PANK2: variants seen among roughly 807,000 people sequenced by gnomAD.
PANK2 encodes pantothenate kinase 2, mitochondrial.
Under a neutral mutation model 43.1 loss-of-function variants are expected in PANK2, and 36 were observed. That is an observed-to-expected ratio of 0.84 (90% CI 0.64 to 1.10). PANK2 has a LOEUF of 1.10. PANK2 is among the 50% of genes least tolerant of loss of function. The probability of loss-of-function intolerance (pLI) is 0.00; values close to 1 mark genes in which losing one functional copy is unlikely to be tolerated. For synonymous variants in PANK2, 281 were observed against 238.2 expected, an observed-to-expected ratio of 1.18 and a Z score of -1.66; for missense variants, 576 against 593.3, an observed-to-expected ratio of 0.97 and a Z score of 0.30.
intron 1 of PANK2, among the ~76,000 whole-genome samples, chr20:3,905,586 A>T (rs2090372707): frequency 1.3e-5 from 2 of 151,136 alleles, no homozygotes. Context: ...TGACCTCATG[A>T]TCCTCCCGCC....
chr20:3,890,233 C>A (rs1468848420), intron 1 of PANK2, among the ~76,000 whole-genome samples: 1 of 152,190 alleles, frequency 6.6e-6, no homozygotes, highest in African/African-American at 2.4e-5. Flanking sequence ...GTATTCCGTG[C>A]ACCTCTAAGG....
intron 5 of PANK2, 140 bp from the exon 6 acceptor site, chr20:3,918,531 G>T: frequency 8.9e-7 from 1 of 1,122,860 alleles, no homozygotes; most frequent in Non-Finnish European, 1.3e-6. Context: ...AGTTTAAGTA[G>T]CCCTGGACCA....
chr20:3,917,120 G>A lies in PANK2; in HGVS notation c.1206+70G>A. ...AACTTAAGTGGGCCCCATCACGTCT[G>A]TTTTCTCAGAACAGTGCCTAAATGT... On this transcript the variant is annotated intron_variant, in intron 5 of 6. Transcript: ENST00000610179. 1.9e-6 allele frequency: 3 copies of A among 1,590,254 alleles called. No individual in the cohort carries two copies. The South Asian group carries it at 3.3e-5, about 18-fold the overall frequency.
chr20:3,922,677 C>T (rs895982240), intron 6 of PANK2, among the ~76,000 whole-genome samples: 1 of 152,038 alleles, frequency 6.6e-6, no homozygotes. Context: ...ACACCTCTTA[C>T]TCCTGTGTCC....
chr20:3,897,953 G>A (rs962944080), intron 1 of PANK2, among the ~76,000 whole-genome samples: 4 of 152,112 alleles, frequency 2.6e-5, no homozygotes, highest in Non-Finnish European at 5.9e-5. Context: ...GTTGCAGTGA[G>A]CTGAGGTCTG....
intron 1 of PANK2, among the ~76,000 whole-genome samples, chr20:3,903,435 A>G (rs1335283071): frequency 1.4e-5 from 2 of 147,960 alleles, no homozygotes; most frequent in East Asian, 2.0e-4. Context: ...GGCATGAGCC[A>G]CGACGCCCGG....
chr20:3,916,815 T>G, intron 4 of PANK2, 112 bp from the exon 5 acceptor site: 1 of 1,471,884 alleles, frequency 6.8e-7, no homozygotes, highest in African/African-American at 1.4e-5. Context: ...GGTTTGAAGA[T>G]TTCAACAATG....
chr20:3,916,821 CAAT>C (rs2090567321), intron 4 of PANK2, 103 bp from the exon 5 acceptor site: 1 of 1,496,224 alleles, frequency 6.7e-7, no homozygotes, highest in South Asian at 1.2e-5. Context: ...AAGATTTCAA[CAAT>C]GTTGCCCTAA....
chr20:3,912,930 CAAAAA>C (rs71331078), intron 4 of PANK2, among the ~76,000 whole-genome samples: 5 of 71,492 alleles, frequency 7.0e-5, no homozygotes, highest in Non-Finnish European at 1.2e-4. Context: ...GACTCTGTCT[CAAAAA>C]AAAAAAAAAA....
At chr20:3,918,912 T>C in intron 6 of PANK2, 116 bp downstream of exon 6, 1 of 1,556,970 alleles carries the variant, frequency 6.4e-7, no homozygotes, top group Non-Finnish European at 8.9e-7. Flanking sequence ...TTCTTTTGTT[T>C]TTTGTTTTTT....
chr20:3,919,773 A>G (rs533390948), intron 6 of PANK2, among the ~76,000 whole-genome samples: 1 of 152,278 alleles, frequency 6.6e-6, no homozygotes, highest in South Asian at 2.1e-4. Context: ...TATTATGAAC[A>G]TTTTTCAGAA....
chr20:3,897,480 C>T (rs545994580), intron 1 of PANK2, among the ~76,000 whole-genome samples: 1 of 151,836 alleles, frequency 6.6e-6, no homozygotes, highest in African/African-American at 2.4e-5. Context: ...GCGGGTGGAT[C>T]GCTTGAGCTT....
chr20:3,889,639 A>T lies in PANK2; in HGVS notation c.209A>T (p.Glu70Val). ...GTGCCCGCGGTCGGGGCCTCGGCTGAGGGCACGAGGCGGGATCGACTGGGC... is the reference window on the plus strand; with the variant it reads ...GTGCCCGCGGTCGGGGCCTCGGCTGTGGGCACGAGGCGGGATCGACTGGGC... Residue 70 changes from glutamate to valine, a missense_variant, in exon 1 of 7, where the codon GAG becomes GTG. Glu to Val is a moderately radical substitution (Grantham distance 121). Around this residue, in one of 2 missense-constraint regions of PANK2, gnomAD observed 544 missense variants for 528.9 expected, o/e 1.03. Transcript: ENST00000610179. The T allele has an allele frequency of 1.9e-6, 3 of 1,576,256 alleles. No homozygotes were observed. Among genetic ancestry groups the T allele is most frequent in the South Asian group, 1.1e-5 (1 of 88,372 alleles).
chr20:3,903,775 G>A (rs1356455492), intron 1 of PANK2, among the ~76,000 whole-genome samples: 1 of 151,766 alleles, frequency 6.6e-6, no homozygotes, highest in Non-Finnish European at 1.5e-5. Flanking sequence ...TTAGAGGCAT[G>A]TGCCACCACG....
intron 1 of PANK2, among the ~76,000 whole-genome samples, chr20:3,891,967 T>G (rs1452883575): frequency 6.6e-6 from 1 of 152,246 alleles, no homozygotes; most frequent in Non-Finnish European, 1.5e-5. Context: ...TAAGACCTGC[T>G]AAAGGAATGA....
chr20:3,889,817 C>T (rs1409952617), intron 1 of PANK2, 89 bp downstream of exon 1: 7 of 1,539,646 alleles, frequency 4.5e-6, no homozygotes, highest in Non-Finnish European at 6.1e-6. Flanking sequence ...CCGTTTTTCC[C>T]GCGCGCGGAC....
chr20:3,908,122 G>C lies in PANK2; in HGVS notation c.495G>C (p.Leu165=). 1.2e-6 allele frequency: 2 copies of C among 1,614,144 alleles called. No homozygotes were observed. The highest frequency in any genetic ancestry group is 1.7e-6 in the Non-Finnish European group (2 of 1,179,986). ...ACCTCGAGCTGAAGGACCTGACTCTGTGTGGACGCAAAGGCAATCTGCACT... is the reference window on the plus strand; with the variant it reads ...ACCTCGAGCTGAAGGACCTGACTCTCTGTGGACGCAAAGGCAATCTGCACT... The change falls in exon 2 of 7, where the codon CTG becomes CTC. Residue 165 remains leucine (L), a synonymous_variant. Transcript: ENST00000610179.
Position 3,927,134 on chromosome 20 carries a change from C to G in PANK2, c.*3840C>G, listed in dbSNP as rs1213709814. ...GCCTGACACACTCTTCACCACTGAC[C>G]CCACCCCCGCTTGCACACTATGCCA... On this transcript the variant is annotated 3_prime_UTR_variant, in exon 7 of 7. Transcript: ENST00000610179. 1.3e-5 allele frequency among the ~76,000 whole-genome samples: 2 copies of G among 151,930 alleles called. No homozygotes were observed. Among genetic ancestry groups the G allele is most frequent in the Admixed American group, 6.6e-5 (1 of 15,256 alleles).
At chr20:3,901,949 A>T (rs142383749) in intron 1 of PANK2, among the ~76,000 whole-genome samples, 4 of 151,974 alleles carry the variant, frequency 2.6e-5, no homozygotes, top group African/African-American at 9.6e-5. Flanking sequence ...CTTTTATGTG[A>T]TTTATGTATC....
Sources: allele counts gnomAD v4.1 joint callset (sites outside exome capture counted in the v4.1 genomes callset), GRCh38; gene constraint gnomAD v4.1.1; regional missense constraint gnomAD v4.1.1; transcripts MANE v1.5; gene names NCBI Gene and HGNC (gene_info 2026-07-23, HGNC 2026-07-21).